The following SCN11A variants were observed in gnomAD, a reference collection of about 807,000 sequenced individuals.
SCN11A encodes the protein sodium voltage-gated channel alpha subunit 11, also known as sodium channel protein type 11 subunit alpha.
In SCN11A, 122 loss-of-function variants were observed where a neutral mutation model predicts 162.2. The ratio of observed to expected loss-of-function variants is 0.75; its 90% CI spans 0.65 to 0.87. The LOEUF is 0.87. Among genes scored for constraint, SCN11A ranks in the 40% least tolerant of loss-of-function variants. The pLI is 0.00. For missense variants in SCN11A, 2,015 were observed against 2,181.6 expected (o/e 0.92, Z 1.52); for synonymous variants, 758 against 751.5 (o/e 1.01, Z -0.14).
intron 7 of SCN11A, among the ~76,000 whole-genome samples, chr3:38,935,699 G>C (rs1385258488): frequency 6.6e-6 from 1 of 152,158 alleles, no homozygotes; most frequent in Non-Finnish European, 1.5e-5. Context: ...TCTCTGAATA[G>C]ACCAATAACA....
rs1162143163 is a variant in SCN11A, at chr3:38,886,159, T to C, written c.2915A>G (p.Asp972Gly). ...QSVEIDMFSE[D>G]EPHLTIQDPR... ...ATCCTGTATGGTCAGATGAGGCTCA[T>C]CTTCAGAGAACATGTCAATTTCCAC... Residue 972 changes from aspartate to glycine, a missense_variant, in exon 20 of 30, where the codon GAT becomes GGT. Asp to Gly is a moderately conservative substitution (Grantham distance 94). Coordinates refer to ENST00000302328, the MANE Select transcript of SCN11A (RefSeq NM_001349253.2). 1.2e-6 allele frequency: 2 copies of C among 1,612,984 alleles called. No individual in the cohort carries two copies. Among genetic ancestry groups the C allele is most frequent in the Middle Eastern group, 1.9e-4 (1 of 5,298 alleles).
intron 11 of SCN11A, among the ~76,000 whole-genome samples, chr3:38,915,400 A>G (rs542322518): frequency 6.6e-6 from 1 of 151,890 alleles, no homozygotes; most frequent in South Asian, 2.1e-4. Flanking sequence ...GTGATGTGAC[A>G]TTGTTTAAGT....
At chr3:38,900,193 A>G in intron 16 of SCN11A, 120 bp from the exon 17 acceptor site, 1 of 736,898 alleles carries the variant, frequency 1.4e-6, no homozygotes. Context: ...TTGACACACT[A>G]TACCCTAAAG....
chr3:38,884,040 A>G lies in SCN11A; in HGVS notation c.3065-653T>C, dbSNP rs190012366. Among the ~76,000 whole-genome samples the G allele has an allele frequency of 5.3e-5, 8 of 152,144 alleles. No homozygotes were observed. In the East Asian group the frequency reaches 1.4e-3, roughly 26 times the overall value. On this transcript the variant is annotated intron_variant, in intron 21 of 29. Transcript: ENST00000302328. Reference sequence around the variant, plus strand: ...CACACAGGCCTTCAATATAGACCACATTGCCCTTTCCACCTTTTCTCCTCC... The same window carrying G: ...CACACAGGCCTTCAATATAGACCACGTTGCCCTTTCCACCTTTTCTCCTCC...
chr3:38,922,407 T>C (rs114993954), intron 9 of SCN11A, among the ~76,000 whole-genome samples: 87 of 152,348 alleles, frequency 5.7e-4, no homozygotes, highest in African/African-American at 2.0e-3. Flanking sequence ...TGAGTGATGA[T>C]TGTGATTCCT....
rs2032123070 is a variant in SCN11A, at chr3:39,043,983, T to C, written c.-404+7878A>G. 2.0e-5 allele frequency among the ~76,000 whole-genome samples: 3 copies of C among 152,176 alleles called. No individual in the cohort carries two copies. In the South Asian group the frequency reaches 6.2e-4, roughly 32 times the overall value. Reference sequence around the variant, plus strand: ...ATCCCATAAATGAATACACCTACTATGTACCCACGAAAGTTAAAGATAAAA... The same window carrying C: ...ATCCCATAAATGAATACACCTACTACGTACCCACGAAAGTTAAAGATAAAA... On this transcript the variant is annotated intron_variant, in intron 1 of 29. Coordinates refer to ENST00000302328, the MANE Select transcript of SCN11A (RefSeq NM_001349253.2).
At position 38,894,908 on chromosome 3, in the gene SCN11A, ATTT is replaced by A; in HGVS notation, c.2457_2459del (p.Arg819_Asn820delinsSer). The A allele has an allele frequency of 6.2e-7, 1 of 1,613,982 alleles. No individual in the cohort carries two copies. Among genetic ancestry groups the A allele is most frequent in the Non-Finnish European group, 8.5e-7 (1 of 1,179,958 alleles). On this transcript the variant is annotated inframe_deletion, in exon 19 of 30. Coordinates refer to ENST00000302328, the MANE Select transcript of SCN11A (RefSeq NM_001349253.2). ...TCCTGGCCTCTCCTTCTAAGTTTCC[ATTT>A]CTTTCCTCATTGCTAAAGGAATTGA...
intron 4 of SCN11A, among the ~76,000 whole-genome samples, chr3:38,951,759 C>T (rs1050466542): frequency 6.6e-6 from 1 of 152,208 alleles, no homozygotes; most frequent in Non-Finnish European, 1.5e-5. Flanking sequence ...CTTGGAGAAC[C>T]TTTGTGTCTA....
intron 14 of SCN11A, among the ~76,000 whole-genome samples, chr3:38,906,999 G>C (rs2065803019): frequency 1.3e-5 from 2 of 152,032 alleles, no homozygotes; most frequent in Non-Finnish European, 2.9e-5. Flanking sequence ...TTCGCTTCTA[G>C]GCTTTTGCAC....
intron 2 of SCN11A, among the ~76,000 whole-genome samples, chr3:38,968,139 T>G (rs2066794316): frequency 6.6e-6 from 1 of 152,216 alleles, no homozygotes; most frequent in African/African-American, 2.4e-5. Flanking sequence ...TCTCCTTGTC[T>G]CTTGCAGTTG....
chr3:38,988,155 T>A (rs1027422338), intron 2 of SCN11A, among the ~76,000 whole-genome samples: 3 of 152,062 alleles, frequency 2.0e-5, no homozygotes, highest in Admixed American at 1.3e-4. Flanking sequence ...ACTGCACCAG[T>A]TACACACACA....
rs114015425 is a variant in SCN11A, at chr3:38,986,260, C to G, written c.-279-25837G>C. On this transcript the variant is annotated intron_variant, in intron 2 of 29. Coordinates refer to ENST00000302328, the MANE Select transcript of SCN11A (RefSeq NM_001349253.2). The stretch of plus-strand genomic sequence containing the variant: ...CACTGCTGCCAGAAGGAAGTGCCGA[C>G]AGAGCCAGCAGATGCGTCAGGGAGG... Among the ~76,000 whole-genome samples the G allele has an allele frequency of 2.7e-5, 4 of 149,868 alleles. 1 individual carries two copies. The highest frequency in any genetic ancestry group is 5.1e-5 in the African/African-American group (2 of 39,454).
chr3:38,909,944 G>A, intron 12 of SCN11A, 122 bp downstream of exon 12: 1 of 962,394 alleles, frequency 1.0e-6, no homozygotes, highest in African/African-American at 1.7e-5. Context: ...TGAGACAGAT[G>A]ATAAAAGTGG....
At chr3:38,925,245 C>T (rs1187159358) in intron 9 of SCN11A, among the ~76,000 whole-genome samples, 170 bp downstream of exon 9, 1 of 151,578 alleles carries the variant, frequency 6.6e-6, no homozygotes, top group African/African-American at 2.4e-5. Context: ...GCAGTTAGCA[C>T]AGTGCCTGGA....
chr3:39,043,030 CAA>C (rs2032093523), intron 1 of SCN11A, among the ~76,000 whole-genome samples: 1 of 139,526 alleles, frequency 7.2e-6, no homozygotes, highest in Non-Finnish European at 1.6e-5. Flanking sequence ...TTTCTCAAAA[CAA>C]GACGTACAAA....
At position 38,919,939 on chromosome 3, in the gene SCN11A, T is replaced by C; in HGVS notation, c.955A>G (p.Asn319Asp). The C allele has an allele frequency of 6.2e-7, 1 of 1,611,900 alleles. No homozygotes were observed. Among genetic ancestry groups the C allele is most frequent in the Non-Finnish European group, 8.5e-7 (1 of 1,178,032 alleles). ...EFKMCGIWMG[N>D]SACSIQYECK... ...AAATGATTATAAACCTCTTACCTGT[T>C]ACCCATCCAGATGCCACACATTTTG... is the stretch of plus-strand genomic sequence containing the variant. Residue 319 changes from asparagine to aspartate, a missense_variant, in exon 11 of 30, where the codon AAC (asparagine) becomes GAC (aspartate). Coordinates refer to ENST00000302328, the MANE Select transcript of SCN11A (RefSeq NM_001349253.2).
At chr3:38,921,629 T>C (rs1393207060) in intron 9 of SCN11A, among the ~76,000 whole-genome samples, 1 of 152,158 alleles carries the variant, frequency 6.6e-6, no homozygotes, top group Non-Finnish European at 1.5e-5. Flanking sequence ...GAGATAGACC[T>C]GTATTTAACA....
At chr3:38,920,251 AAAT>A (rs2066025651) in intron 10 of SCN11A, among the ~76,000 whole-genome samples, 1 of 152,178 alleles carries the variant, frequency 6.6e-6, no homozygotes, top group Non-Finnish European at 1.5e-5. Context: ...TGCCTCTCTT[AAAT>A]AATACTGAAC....
intron 1 of SCN11A, among the ~76,000 whole-genome samples, chr3:39,049,527 T>C (rs2032273049): frequency 6.6e-6 from 1 of 152,206 alleles, no homozygotes; most frequent in Non-Finnish European, 1.5e-5. Flanking sequence ...GGAGGGCCAA[T>C]GACCAATGGA....
Sources: allele counts gnomAD v4.1 joint callset (sites outside exome capture counted in the v4.1 genomes callset), GRCh38; gene constraint gnomAD v4.1.1; transcripts MANE v1.5; gene names NCBI Gene and HGNC (gene_info 2026-07-23, HGNC 2026-07-21).